Variants in PPARGC1A observed in about 807,000 individuals in gnomAD.
The protein encoded by PPARGC1A is peroxisome proliferator-activated receptor gamma coactivator 1-alpha.
A neutral mutation model predicts 88.7 loss-of-function variants in PPARGC1A; 25 were observed. The ratio of observed to expected loss-of-function variants is 0.28; its 90% CI spans 0.21 to 0.39. The LOEUF is 0.39. Ranked by LOEUF, PPARGC1A falls within the 10% of genes least tolerant of loss-of-function variation. The pLI is 1.00. For missense variants in PPARGC1A, 880 were observed against 968.7 expected, an observed-to-expected ratio of 0.91 and a Z score of 1.22; for synonymous variants, 363 against 355.6, an observed-to-expected ratio of 1.02 and a Z score of -0.24.
intron 1 of PPARGC1A, among the ~76,000 whole-genome samples, chr4:23,886,044 C>T (rs1337670710): frequency 2.6e-5 from 4 of 152,076 alleles, no homozygotes; most frequent in Admixed American, 6.6e-5. Flanking sequence ...AATGTCAGTC[C>T]GCAGACAGTA....
At chr4:24,347,491 T>G in the PPARGC1A span, among the ~76,000 whole-genome samples, 1 of 152,202 alleles carries the variant, frequency 6.6e-6, no homozygotes, top group Non-Finnish European at 1.5e-5. Flanking sequence ...GGACAAGGCC[T>G]TTTACCATTA....
the PPARGC1A span, among the ~76,000 whole-genome samples, chr4:24,131,164 C>T: frequency 6.6e-6 from 1 of 151,792 alleles, no homozygotes; most frequent in South Asian, 2.1e-4. Flanking sequence ...GTGCCAGGCA[C>T]ACAGTGCTTC....
the PPARGC1A span, among the ~76,000 whole-genome samples, chr4:23,943,496 G>T: frequency 2.3e-4 from 35 of 150,934 alleles, no homozygotes; most frequent in Middle Eastern, 3.4e-3. Flanking sequence ...ATATTCATGT[G>T]ACATTGCCTG....
chr4:24,331,505 C>T, the PPARGC1A span, among the ~76,000 whole-genome samples: 2 of 152,108 alleles, frequency 1.3e-5, no homozygotes, highest in East Asian at 1.9e-4. Flanking sequence ...AGAACATGCC[C>T]ATCTTGTTTA....
At chr4:24,085,796 C>A in the PPARGC1A span, among the ~76,000 whole-genome samples, 1 of 152,184 alleles carries the variant, frequency 6.6e-6, no homozygotes. Context: ...ATTCCCCTCG[C>A]TCCAGGTAGA....
At chr4:24,266,267 A>G in the PPARGC1A span, among the ~76,000 whole-genome samples, 48,514 of 151,962 alleles carry the variant, frequency 0.32, 8,467 homozygotes, top group Non-Finnish European at 0.39. Flanking sequence ...GACCAGATGG[A>G]GTTGGGTGAG....
chr4:24,194,593 C>T, the PPARGC1A span, among the ~76,000 whole-genome samples: 1 of 151,664 alleles, frequency 6.6e-6, no homozygotes, highest in Non-Finnish European at 1.5e-5. Flanking sequence ...CAAGATCAGA[C>T]ACCAGTGGGC....
chr4:24,441,909 G>C, the PPARGC1A span, among the ~76,000 whole-genome samples: 2 of 152,228 alleles, frequency 1.3e-5, no homozygotes, highest in African/African-American at 4.8e-5. Context: ...AATGCAGCTT[G>C]TCCTTAAAAT....
chr4:24,405,325 C>G, the PPARGC1A span, among the ~76,000 whole-genome samples: 3 of 151,952 alleles, frequency 2.0e-5, no homozygotes, highest in Non-Finnish European at 4.4e-5. Context: ...CCCCTCCCCC[C>G]AAAAAGTTTT....
chr4:24,005,716 G>A, the PPARGC1A span, among the ~76,000 whole-genome samples: 4 of 152,096 alleles, frequency 2.6e-5, no homozygotes, highest in Admixed American at 2.6e-4. Flanking sequence ...TAAAACCGAA[G>A]GGGAGAAGAG....
the PPARGC1A span, among the ~76,000 whole-genome samples, chr4:24,406,949 C>G: frequency 2.0e-5 from 3 of 152,310 alleles, no homozygotes; most frequent in East Asian, 1.9e-4. Flanking sequence ...GATCAGTATC[C>G]TCTTGCTGCT....
chr4:24,255,306 T>C, the PPARGC1A span, among the ~76,000 whole-genome samples: 1 of 152,198 alleles, frequency 6.6e-6, no homozygotes, highest in Non-Finnish European at 1.5e-5. Context: ...TATTATGCAT[T>C]TCTATTTGCC....
the PPARGC1A span, among the ~76,000 whole-genome samples, chr4:24,111,328 C>T: frequency 6.6e-6 from 1 of 152,148 alleles, no homozygotes; most frequent in African/African-American, 2.4e-5. Context: ...CATGTTCTCT[C>T]TATTGGGGTT....
the PPARGC1A span, among the ~76,000 whole-genome samples, chr4:24,400,233 A>G: frequency 1.9e-4 from 29 of 152,204 alleles, no homozygotes; most frequent in African/African-American, 6.5e-4. Context: ...GGTGTCGCCA[A>G]AAGAGATTAA....
At chr4:24,098,321 A>T in the PPARGC1A span, among the ~76,000 whole-genome samples, 2 of 152,220 alleles carry the variant, frequency 1.3e-5, no homozygotes, top group Admixed American at 1.3e-4. Flanking sequence ...GCTCCACAGC[A>T]AAATAGTGGC....
chr4:24,331,473 A>G, the PPARGC1A span, among the ~76,000 whole-genome samples: 1 of 152,214 alleles, frequency 6.6e-6, no homozygotes, highest in Admixed American at 6.5e-5. Flanking sequence ...TCCCTTAGGT[A>G]GCAAACAAGT....
the PPARGC1A span, among the ~76,000 whole-genome samples, chr4:23,914,469 GCTGT>G: frequency 1.3e-5 from 2 of 152,078 alleles, no homozygotes; most frequent in East Asian, 1.9e-4. Flanking sequence ...ACAATCTCAG[GCTGT>G]CTGACTCCCA....
At chr4:24,111,789 GC>G in the PPARGC1A span, among the ~76,000 whole-genome samples, 1 of 152,136 alleles carries the variant, frequency 6.6e-6, no homozygotes, top group Admixed American at 6.6e-5. Flanking sequence ...AGAGTTAATT[GC>G]CTTCTAAAAC....
chr4:24,115,867 C>T, the PPARGC1A span, among the ~76,000 whole-genome samples: 1 of 152,116 alleles, frequency 6.6e-6, no homozygotes, highest in Admixed American at 6.6e-5. Flanking sequence ...AGGCTTTGGG[C>T]TTCACTTTAC....
Sources: gnomAD v4.1 joint callset for allele counts (sites outside exome capture counted in the v4.1 genomes callset) on GRCh38, gnomAD v4.1.1 for gene constraint, MANE v1.5 for transcripts, NCBI Gene and HGNC (gene_info 2026-07-23, HGNC 2026-07-21) for gene names.